Variants in NOX4 observed in about 807,000 individuals in gnomAD.
NOX4 encodes the protein NADPH oxidase 4.
In NOX4, 69 loss-of-function variants were observed where a neutral mutation model predicts 87.6. The observed-to-expected ratio is 0.79, with a 90% CI of 0.65 to 0.96. The LOEUF (loss-of-function observed/expected upper bound fraction) is 0.96, where lower values mean the gene tolerates loss of function less well. Ranked by LOEUF, NOX4 falls within the 40% of genes least tolerant of loss-of-function variation. NOX4 has a pLI of 0.00. For synonymous variants in NOX4, 275 were observed against 238.2 expected (o/e 1.15, Z -1.42); for missense variants, 680 against 681.5 (o/e 1.00, Z 0.02).
chr11:89,437,810 C>CT (rs1944157121), intron 6 of NOX4, among the ~76,000 whole-genome samples: 1 of 152,030 alleles, frequency 6.6e-6, no homozygotes, highest in Non-Finnish European at 1.5e-5. Flanking sequence ...GCGATTGGTT[C>CT]CAGGACCCCT....
chr11:89,387,859 T>G (rs1565225371), intron 11 of NOX4, among the ~76,000 whole-genome samples: 2 of 152,176 alleles, frequency 1.3e-5, no homozygotes, highest in African/African-American at 4.8e-5. Flanking sequence ...GTCTTAAATT[T>G]GGTAATCACA....
At chr11:89,525,708 A>G in the NOX4 span, among the ~76,000 whole-genome samples, 2 of 152,214 alleles carry the variant, frequency 1.3e-5, no homozygotes, top group East Asian at 1.9e-4. Context: ...TTGTAGAGCC[A>G]AAGTTTTAAT....
chr11:89,538,575 AC>A, the NOX4 span, among the ~76,000 whole-genome samples: 1 of 152,192 alleles, frequency 6.6e-6, no homozygotes, highest in African/African-American at 2.4e-5. Context: ...AATTTGGAAC[AC>A]TTATTTGATC....
the NOX4 span, among the ~76,000 whole-genome samples, chr11:89,564,511 T>C: frequency 3.3e-5 from 5 of 152,106 alleles, no homozygotes; most frequent in African/African-American, 1.2e-4. Flanking sequence ...AGATTATAAT[T>C]AAACATGAGA....
the NOX4 span, among the ~76,000 whole-genome samples, chr11:89,586,659 A>C: frequency 6.6e-6 from 1 of 152,304 alleles, no homozygotes; most frequent in African/African-American, 2.4e-5. Flanking sequence ...ATACAATGCA[A>C]CATCAGGTAA....
At chr11:89,450,508 A>T (rs1944909509) in intron 3 of NOX4, among the ~76,000 whole-genome samples, 1 of 152,146 alleles carries the variant, frequency 6.6e-6, no homozygotes, top group African/African-American at 2.4e-5. Flanking sequence ...TAGCAGAATG[A>T]CTGTTTTTGT....
chr11:89,555,687 A>T, the NOX4 span, among the ~76,000 whole-genome samples: 35 of 152,094 alleles, frequency 2.3e-4, no homozygotes, highest in African/African-American at 7.7e-4. Context: ...AGAGGCACAA[A>T]CAGAAGTACC....
At chr11:89,333,110 T>C (rs1009709119) in intron 17 of NOX4, among the ~76,000 whole-genome samples, 6 of 151,842 alleles carry the variant, frequency 4.0e-5, no homozygotes, top group African/African-American at 1.4e-4. Flanking sequence ...ACAGCACTAT[T>C]TTTAACTGTA....
rs778279710 is a variant in NOX4, at chr11:89,342,128, C to G, written c.1283G>C (p.Cys428Ser). 1 of 1,611,178 alleles carries G rather than the reference C, an allele frequency of 6.2e-7. No individual in the cohort carries two copies. The highest frequency in any genetic ancestry group is 1.3e-5 in the African/African-American group (1 of 74,964). ...EESLNYEVSL[C>S]VAGGIGVTPF... ...AGTTACTCCAATGCCTCCAGCCACG[C>G]AGAGGCTGACCTCATAGTTCAGTGA... is the stretch of plus-strand genomic sequence containing the variant. The change falls in exon 14 of 18, where the codon TGC becomes TCC. Residue 428 changes from cysteine to serine, a missense_variant. Cys to Ser is a moderately radical substitution (Grantham distance 112). Transcript: ENST00000263317.
chr11:89,568,989 C>A, the NOX4 span, among the ~76,000 whole-genome samples: 5 of 152,252 alleles, frequency 3.3e-5, no homozygotes, highest in South Asian at 2.1e-4. Flanking sequence ...TGGACCCCTT[C>A]TCTTTACTAT....
At chr11:89,514,642 A>C in the NOX4 span, among the ~76,000 whole-genome samples, 1 of 151,924 alleles carries the variant, frequency 6.6e-6, no homozygotes, top group South Asian at 2.1e-4. Flanking sequence ...GGTGCCCTTA[A>C]GTTGAGGGTT....
At position 89,444,154 on chromosome 11, in the gene NOX4, G is replaced by C. The variant is rs893826773; in HGVS notation, c.428C>G (p.Ala143Gly). The C allele has an allele frequency of 6.2e-7, 1 of 1,613,468 alleles. No individual in the cohort carries two copies. Among genetic ancestry groups the C allele is most frequent in the Admixed American group, 1.7e-5 (1 of 59,950 alleles). The change falls in exon 5 of 18, where the codon GCA (alanine) becomes GGA (glycine). Residue 143 changes from alanine to glycine, a missense_variant. By Grantham distance (60) the Ala-to-Gly change is moderately conservative. Coordinates refer to ENST00000263317, the MANE Select transcript of NOX4 (RefSeq NM_016931.5). ...ACCCACCTCATCTCGGTATCTTGCTGCATTCAGTTCAACAAAGTCTTCACT... is the reference window on the plus strand; with the variant it reads ...ACCCACCTCATCTCGGTATCTTGCTCCATTCAGTTCAACAAAGTCTTCACT... The part of the protein sequence containing the change: ...NYSEDFVELN[A>G]ARYRDEDPRK...
intron 13 of NOX4, among the ~76,000 whole-genome samples, chr11:89,348,826 T>C (rs1946326643): frequency 6.6e-6 from 1 of 152,178 alleles, no homozygotes; most frequent in African/African-American, 2.4e-5. Flanking sequence ...AGCTCTGCCA[T>C]GTGACTTTGG....
At chr11:89,402,100 A>T (rs1487734607) in intron 9 of NOX4, among the ~76,000 whole-genome samples, 2 of 152,264 alleles carry the variant, frequency 1.3e-5, no homozygotes, top group East Asian at 3.9e-4. Flanking sequence ...TGCAAAGGTC[A>T]TATGGTCAGT....
intron 6 of NOX4, 40 bp from the exon 7 acceptor site, chr11:89,432,896 A>T (rs753737905): frequency 4.4e-6 from 6 of 1,353,042 alleles, no homozygotes; most frequent in East Asian, 2.4e-5. Context: ...CTTAAATCAT[A>T]GTGAGAAAAA....
chr11:89,418,793 GA>G (rs1194419108), intron 8 of NOX4, among the ~76,000 whole-genome samples: 1 of 151,978 alleles, frequency 6.6e-6, no homozygotes, highest in African/African-American at 2.4e-5. Context: ...ATAAATTGCA[GA>G]GGAGCTTAAA....
the NOX4 span, among the ~76,000 whole-genome samples, chr11:89,528,478 T>C: frequency 0.54 from 81,824 of 151,992 alleles, 23,103 homozygotes; most frequent in African/African-American, 0.71. Flanking sequence ...GAATTGTAAT[T>C]CTCACAATCC....
At chr11:89,584,598 G>A in the NOX4 span, among the ~76,000 whole-genome samples, 1 of 152,082 alleles carries the variant, frequency 6.6e-6, no homozygotes, top group African/African-American at 2.4e-5. Context: ...AGTTAACAAT[G>A]AACAACTTTA....
chr11:89,509,199 C>A, the NOX4 span, among the ~76,000 whole-genome samples: 4 of 151,716 alleles, frequency 2.6e-5, no homozygotes, highest in Non-Finnish European at 4.4e-5. Flanking sequence ...AATTGCATGG[C>A]CAAAATATAT....
Sources: gnomAD v4.1 joint callset for allele counts (sites outside exome capture counted in the v4.1 genomes callset) on GRCh38, gnomAD v4.1.1 for gene constraint, MANE v1.5 for transcripts, NCBI Gene and HGNC (gene_info 2026-07-23, HGNC 2026-07-21) for gene names.